Variants in LRRC28 observed in about 807,000 individuals in gnomAD.
LRRC28 encodes leucine rich repeat containing 28.
In LRRC28, 39 loss-of-function variants were observed where a neutral mutation model predicts 45.7. The ratio of observed to expected loss-of-function variants is 0.85; its 90% CI spans 0.66 to 1.12. The LOEUF (loss-of-function observed/expected upper bound fraction) is 1.12, where lower values mean the gene tolerates loss of function less well. LRRC28 is among the 50% of genes most tolerant of loss of function. The probability of loss-of-function intolerance (pLI) is 0.00; values close to 1 mark genes in which losing one functional copy is unlikely to be tolerated. For synonymous variants in LRRC28, 206 were observed against 178.8 expected, an observed-to-expected ratio of 1.15 and a Z score of -1.22; for missense variants, 435 against 438.5, an observed-to-expected ratio of 0.99 and a Z score of 0.07.
Position 99,352,384 on chromosome 15 carries a change from G to A in LRRC28, c.608G>A (p.Arg203Gln), listed in dbSNP as rs139516247. ...AFLPLDLGRS[R>Q]ELQYVYVDNN... ...TCTAATCCAGATTTAGGTCGATCTC[G>A]AGAACTACAGTATGTATACGTGGAT... Residue 203 changes from arginine (R) to glutamine (Q), a missense_variant, in exon 7 of 10, where the codon CGA becomes CAA. Physicochemically the swap from Arg to Gln is conservative, Grantham distance 43. Transcript: ENST00000301981. 12 of 1,613,034 alleles carry A rather than the reference G, an allele frequency of 7.4e-6. No homozygotes were observed. Among genetic ancestry groups the A allele is most frequent in the African/African-American group, 1.3e-5 (1 of 74,882 alleles).
chr15:99,377,097 C>T (rs985618184), intron 9 of LRRC28, among the ~76,000 whole-genome samples: 1 of 152,016 alleles, frequency 6.6e-6, no homozygotes, highest in Non-Finnish European at 1.5e-5. Context: ...ATTTCTAGTT[C>T]TAGATCCTTG....
intron 3 of LRRC28, chr15:99,285,770 G>A: frequency 5.9e-6 from 3 of 509,548 alleles, no homozygotes; most frequent in Non-Finnish European, 1.1e-5. Flanking sequence ...TTTTATAGGT[G>A]GAACTTGAAT....
chr15:99,257,957 G>C, intron 2 of LRRC28: 2 of 790,108 alleles, frequency 2.5e-6, no homozygotes, highest in Admixed American at 1.8e-5. Flanking sequence ...TGACGCTTTA[G>C]TTAAGATAAG....
chr15:99,257,359 G>T (rs1229445530), intron 2 of LRRC28, among the ~76,000 whole-genome samples: 1 of 152,146 alleles, frequency 6.6e-6, no homozygotes, highest in Non-Finnish European at 1.5e-5. Flanking sequence ...TTAACGAGAA[G>T]TGGTATAAGA....
At chr15:99,379,924 G>C (rs913460302) in intron 9 of LRRC28, among the ~76,000 whole-genome samples, 5 of 152,172 alleles carry the variant, frequency 3.3e-5, no homozygotes, top group Admixed American at 6.5e-5. Flanking sequence ...TGTAATTTCT[G>C]TTCTTTTACA....
chr15:99,259,164 A>C (rs1318246318), intron 2 of LRRC28: 1 of 1,284,822 alleles, frequency 7.8e-7, no homozygotes, highest in South Asian at 1.2e-5. Context: ...TCTTCTCATC[A>C]TCCAGCTGAC....
intron 5 of LRRC28, among the ~76,000 whole-genome samples, chr15:99,307,066 C>A (rs1955210635): frequency 1.3e-5 from 2 of 152,194 alleles, no homozygotes; most frequent in South Asian, 4.1e-4. Flanking sequence ...CTCTGGTGAT[C>A]TTTGTTTAAT....
chr15:99,299,235 T>G (rs1272290328), intron 5 of LRRC28, among the ~76,000 whole-genome samples: 2 of 152,232 alleles, frequency 1.3e-5, no homozygotes, highest in Admixed American at 1.3e-4. Context: ...AGCATTTTCA[T>G]CTGTAATTAT....
At chr15:99,370,219 A>G (rs1007453292) in intron 9 of LRRC28, among the ~76,000 whole-genome samples, 1 of 152,222 alleles carries the variant, frequency 6.6e-6, no homozygotes, top group Non-Finnish European at 1.5e-5. Flanking sequence ...ATTAGCTACT[A>G]AGTGGACCAG....
chr15:99,323,215 C>T (rs932605384), intron 5 of LRRC28, among the ~76,000 whole-genome samples: 4 of 152,136 alleles, frequency 2.6e-5, no homozygotes, highest in Admixed American at 6.5e-5. Context: ...ATTCACCCCA[C>T]GTGTAGAGAC....
At chr15:99,299,870 T>G (rs1315156848) in intron 5 of LRRC28, among the ~76,000 whole-genome samples, 1 of 152,198 alleles carries the variant, frequency 6.6e-6, no homozygotes, top group Non-Finnish European at 1.5e-5. Context: ...AAACATTAAG[T>G]CAAAACTGGC....
At chr15:99,276,926 T>C (rs1339717578) in intron 3 of LRRC28, among the ~76,000 whole-genome samples, 1 of 152,202 alleles carries the variant, frequency 6.6e-6, no homozygotes, top group Non-Finnish European at 1.5e-5. Flanking sequence ...AAATCTATTA[T>C]TGTTATTACT....
At chr15:99,287,596 A>C (rs2081992756) in intron 4 of LRRC28, among the ~76,000 whole-genome samples, 1 of 152,130 alleles carries the variant, frequency 6.6e-6, no homozygotes, top group Non-Finnish European at 1.5e-5. Flanking sequence ...TTTAGTCTTA[A>C]TGTTTTTATT....
chr15:99,312,899 T>G (rs1955464988), intron 5 of LRRC28, among the ~76,000 whole-genome samples: 1 of 152,182 alleles, frequency 6.6e-6, no homozygotes, highest in Non-Finnish European at 1.5e-5. Context: ...GAGGCGTAAT[T>G]TTAAAAATAG....
chr15:99,295,679 T>G (rs1399193628), intron 5 of LRRC28, among the ~76,000 whole-genome samples: 3 of 152,222 alleles, frequency 2.0e-5, no homozygotes, highest in African/African-American at 7.2e-5. Context: ...AATCAGCCTA[T>G]TTTTAAAAAA....
intron 3 of LRRC28, chr15:99,285,443 T>C (rs1184500610): frequency 4.9e-6 from 4 of 812,482 alleles, no homozygotes; most frequent in Non-Finnish European, 6.5e-6. Context: ...GGATCTCCCA[T>C]GACCACACAG....
rs569179912 is a variant in LRRC28, at chr15:99,390,524, A to T, written c.*4422A>T. 5 of 152,348 alleles carry T rather than the reference A, an allele frequency of 3.3e-5. No individual in the cohort carries two copies. The highest frequency in any genetic ancestry group is 4.1e-4 in the South Asian group (2 of 4,832). 9.4% of individuals were successfully genotyped at this position (152,348 alleles called of 1,614,324 possible). A position where few individuals can be genotyped will look rare whatever the true frequency, so the allele number is the denominator to read the frequency against. The stretch of plus-strand genomic sequence containing the variant: ...TGAGTCTAAATGATCCAAGATTTTT[A>T]AAATAGATACATAATGAAATCCAGG... On this transcript the variant is annotated 3_prime_UTR_variant, in exon 10 of 10. Transcript: ENST00000301981.
intron 2 of LRRC28, among the ~76,000 whole-genome samples, chr15:99,270,715 T>C (rs751460050): frequency 1.3e-5 from 2 of 152,224 alleles, no homozygotes; most frequent in East Asian, 1.9e-4. Context: ...TTTTTAGCTA[T>C]TGTGAATAGT....
At chr15:99,291,368 A>G (rs573221056) in intron 5 of LRRC28, among the ~76,000 whole-genome samples, 2 of 152,350 alleles carry the variant, frequency 1.3e-5, no homozygotes, top group Admixed American at 1.3e-4. Flanking sequence ...TCTTGCCACC[A>G]TGAGTAGCAC....
Sources: allele counts gnomAD v4.1 joint callset (sites outside exome capture counted in the v4.1 genomes callset), GRCh38; gene constraint gnomAD v4.1.1; transcripts MANE v1.5; gene names NCBI Gene and HGNC (gene_info 2026-07-23, HGNC 2026-07-21).